NPSR1: variants seen among roughly 807,000 people sequenced by gnomAD.
NPSR1 encodes neuropeptide S receptor.
In NPSR1, 48 loss-of-function variants were observed where a neutral mutation model predicts 46.9. The observed-to-expected ratio is 1.02, with a 90% CI of 0.81 to 1.30. The LOEUF (loss-of-function observed/expected upper bound fraction) is 1.30. Among genes scored for constraint, NPSR1 ranks in the 50% most tolerant of loss-of-function variants. The pLI is 0.00. For missense variants in NPSR1, 450 were observed against 449.5 expected, an observed-to-expected ratio of 1.00 and a Z score of -0.01; for synonymous variants, 176 against 168.1, an observed-to-expected ratio of 1.05 and a Z score of -0.36.
chr7:34,797,181 C>T lies in NPSR1; in HGVS notation c.385-14589C>T, dbSNP rs35498095. 3.5e-3 allele frequency among the ~76,000 whole-genome samples: 533 copies of T among 152,138 alleles called. 3 individuals are homozygous for T. Among genetic ancestry groups the T allele is most frequent in the African/African-American group, 0.012 (500 of 41,504 alleles). ...GTGAAAACATTAGTGGTTGCCAGGG[C>T]TTGGGGAGAGGGAGGCAGAGCACAG... On this transcript the variant is annotated intron_variant, in intron 3 of 8. Transcript: ENST00000360581.
chr7:34,737,192 G>C (rs986528368), intron 2 of NPSR1, among the ~76,000 whole-genome samples: 1 of 152,096 alleles, frequency 6.6e-6, no homozygotes, highest in African/African-American at 2.4e-5. Flanking sequence ...AACTCTCCAT[G>C]TGACAAGGTT....
In NPSR1 at chr7:34,792,637, A is replaced by G. The variant is rs981651126; in HGVS notation, c.384+14072A>G. Reference sequence around the variant, plus strand: ...TATGTGTATATGTGTGTGTGTGTGTATGTGTATATATATATGTATATATAT... The same window carrying G: ...TATGTGTATATGTGTGTGTGTGTGTGTGTGTATATATATATGTATATATAT... On this transcript the variant is annotated intron_variant, in intron 3 of 8. Coordinates refer to ENST00000360581, the MANE Select transcript of NPSR1 (RefSeq NM_207172.2). Among the ~76,000 whole-genome samples the G allele has an allele frequency of 1.6e-4, 16 of 98,048 alleles. 1 individual carries two copies. The highest frequency in any genetic ancestry group is 2.4e-4 in the Non-Finnish European group (11 of 45,606). 64.3% of individuals were successfully genotyped at this position (98,048 alleles called of 152,430 possible). A position where few individuals can be genotyped will look rare whatever the true frequency, so the allele number is the denominator to read the frequency against.
rs142805332 is a variant in NPSR1, at chr7:34,844,979, C to T, written c.841C>T (p.Leu281Phe). 8 of 1,607,946 alleles carry T rather than the reference C, an allele frequency of 5.0e-6. No homozygotes were observed. In the African/African-American group the frequency reaches 1.1e-4, roughly 22 times the overall value. Reference sequence around the variant, plus strand: ...TATCAAGTATAGCATCATCATCATTCTTGGTAAGCAATGTCCCTCCTTGAG... The same window carrying T: ...TATCAAGTATAGCATCATCATCATTTTTGGTAAGCAATGTCCCTCCTTGAG... ...KAIKYSIIII[L>F]AFICCWSPYF... Residue 281 changes from leucine to phenylalanine, a missense_variant, in exon 7 of 9, where the codon CTT (leucine) becomes TTT (phenylalanine). Physicochemically the swap from Leu to Phe is conservative, Grantham distance 22. Transcript: ENST00000360581.
At chr7:34,706,706 A>C (rs1794131123) in intron 2 of NPSR1, among the ~76,000 whole-genome samples, 1 of 152,148 alleles carries the variant, frequency 6.6e-6, no homozygotes, top group East Asian at 1.9e-4. Flanking sequence ...ATGTAAAAAG[A>C]ATGCAAAATA....
At chr7:34,853,987 C>CA (rs373034215), downstream of NPSR1, among the ~76,000 whole-genome samples, 422 of 148,294 alleles carry the variant, frequency 2.8e-3, 3 homozygotes, top group African/African-American at 9.2e-3. Context: ...AAACAAAAAA[C>CA]AAAAAAAACA....
chr7:34,792,672 T>TATGTATATATATATATTTATATATAG (rs1787957944), intron 3 of NPSR1, among the ~76,000 whole-genome samples: 1 of 121,200 alleles, frequency 8.3e-6, no homozygotes, highest in African/African-American at 3.1e-5. Flanking sequence ...TATTTATATA[T>TATGTATATATATATATTTATATATAG]ATGTATATAT....
chr7:34,683,117 T>C (rs1393798638), intron 1 of NPSR1, among the ~76,000 whole-genome samples: 1 of 147,164 alleles, frequency 6.8e-6, no homozygotes, highest in Non-Finnish European at 1.5e-5. Context: ...ATCAGATTGA[T>C]AAAGTGTAGG....
intron 3 of NPSR1, among the ~76,000 whole-genome samples, chr7:34,809,883 AT>A (rs1463974274): frequency 6.6e-6 from 1 of 152,092 alleles, no homozygotes; most frequent in Non-Finnish European, 1.5e-5. Context: ...AATATACAGT[AT>A]TTTGTTTTCT....
At chr7:34,728,721 T>C (rs1356896198) in intron 2 of NPSR1, 2 of 152,684 alleles carry the variant, frequency 1.3e-5, no homozygotes, top group Non-Finnish European at 2.9e-5. Flanking sequence ...TTCAGACCCA[T>C]GATAGCTATA....
rs1438615568 is a variant in NPSR1 at position 34,792,687 on chromosome 7, A to ATT, written c.384+14123_384+14124insTT. Reference sequence around the variant, plus strand: ...TATTTATATATATGTATATATATATATGTATATATATACGTATATATATAT... The same window carrying ATT: ...TATTTATATATATGTATATATATATATTTGTATATATATACGTATATATATAT... On this transcript the variant is annotated intron_variant, in intron 3 of 8. Transcript: ENST00000360581. 1.1e-3 allele frequency among the ~76,000 whole-genome samples: 96 copies of ATT among 85,508 alleles called. 1 individual carries two copies. Among genetic ancestry groups the ATT allele is most frequent in the African/African-American group, 3.3e-3 (84 of 25,168 alleles). 56.1% of individuals were successfully genotyped at this position (85,508 alleles called of 152,430 possible).
chr7:34,878,230 T>A, exon 9 of NPSR1: 1 of 1,109,534 alleles, frequency 9.0e-7, no homozygotes, highest in Non-Finnish European at 1.3e-6. Context: ...TGGTGCCACT[T>A]CTCACTGCTT....
intron 2 of NPSR1, among the ~76,000 whole-genome samples, chr7:34,741,929 T>C (rs1333902430): frequency 6.6e-6 from 1 of 152,246 alleles, no homozygotes; most frequent in African/African-American, 2.4e-5. Flanking sequence ...CTGTGAAAGT[T>C]GATTCTACCA....
intron 8 of NPSR1, among the ~76,000 whole-genome samples, chr7:34,866,661 C>T (rs904354990): frequency 7.3e-5 from 11 of 151,690 alleles, no homozygotes; most frequent in African/African-American, 2.7e-4. Context: ...CCTCTTCCTA[C>T]CTAAAATAGC....
At chr7:34,803,468 C>G (rs1324927495) in intron 3 of NPSR1, among the ~76,000 whole-genome samples, 1 of 148,274 alleles carries the variant, frequency 6.7e-6, no homozygotes, top group Non-Finnish European at 1.5e-5. Context: ...ATCGCAAGGA[C>G]AAAAAATCAA....
chr7:34,846,763 C>T (rs1215034502), intron 7 of NPSR1, among the ~76,000 whole-genome samples: 1 of 152,166 alleles, frequency 6.6e-6, no homozygotes, highest in Non-Finnish European at 1.5e-5. Flanking sequence ...ATCTTTCCTC[C>T]ATTTACAACA....
chr7:34,785,145 T>C (rs1787402000), intron 3 of NPSR1, among the ~76,000 whole-genome samples: 2 of 151,690 alleles, frequency 1.3e-5, no homozygotes, highest in Non-Finnish European at 2.9e-5. Context: ...TGTCCAACAA[T>C]GATAGACGGG....
intron 5 of NPSR1, among the ~76,000 whole-genome samples, chr7:34,832,924 T>C (rs1790185509): frequency 6.6e-6 from 1 of 152,152 alleles, no homozygotes; most frequent in Non-Finnish European, 1.5e-5. Flanking sequence ...ACTAATAACA[T>C]TTTTCTCATT....
At chr7:34,729,429 CAA>C (rs1784319095) in intron 2 of NPSR1, among the ~76,000 whole-genome samples, 1 of 152,044 alleles carries the variant, frequency 6.6e-6, no homozygotes, top group South Asian at 2.1e-4. Context: ...TGAACACATA[CAA>C]AGAGTCTGTA....
At chr7:34,757,751 T>C (rs1382429091) in intron 2 of NPSR1, among the ~76,000 whole-genome samples, 2 of 152,174 alleles carry the variant, frequency 1.3e-5, no homozygotes, top group South Asian at 4.1e-4. Context: ...CTTCTGGCCA[T>C]GCGACTGTTC....
Sources: allele counts gnomAD v4.1 joint callset (sites outside exome capture counted in the v4.1 genomes callset), GRCh38; gene constraint gnomAD v4.1.1; transcripts MANE v1.5; gene names NCBI Gene and HGNC (gene_info 2026-07-23, HGNC 2026-07-21).